CCDC33: variants seen among roughly 807,000 people sequenced by gnomAD.
CCDC33 encodes coiled-coil domain containing 33, also known as coiled-coil domain-containing protein 33.
In CCDC33, 94 loss-of-function variants were observed where a neutral mutation model predicts 91.9. The ratio of observed to expected loss-of-function variants is 1.02; its 90% confidence interval spans 0.87 to 1.21. The LOEUF (loss-of-function observed/expected upper bound fraction) is 1.21, where lower values mean the gene tolerates loss of function less well. CCDC33 is among the 50% of genes most tolerant of loss of function. The probability of loss-of-function intolerance (pLI) is 0.00; values close to 1 mark genes in which losing one functional copy is unlikely to be tolerated. For synonymous variants in CCDC33, 396 were observed against 374.5 expected (o/e 1.06, Z -0.66); for missense variants, 940 against 935.5 (o/e 1.00, Z -0.06).
At chr15:74,245,618 C>G (rs2075499984) in intron 2 of CCDC33, among the ~76,000 whole-genome samples, 1 of 152,198 alleles carries the variant, frequency 6.6e-6, no homozygotes, top group Non-Finnish European at 1.5e-5. Context: ...GGCACCGCGA[C>G]CCGCGCCATC....
At chr15:74,308,476 G>C (rs1467259768) in intron 11 of CCDC33, among the ~76,000 whole-genome samples, 3 of 152,018 alleles carry the variant, frequency 2.0e-5, no homozygotes, top group African/African-American at 7.3e-5. Flanking sequence ...TCATTCATCG[G>C]CTCCTGCCAG....
At chr15:74,204,371 C>T (rs945326283) in intron 1 of CCDC33, among the ~76,000 whole-genome samples, 1 of 152,192 alleles carries the variant, frequency 6.6e-6, no homozygotes, top group Admixed American at 6.5e-5. Context: ...CTTGTTCTGG[C>T]GGCCAGTATT....
chr15:74,334,886 G>T (rs1466324122), intron 17 of CCDC33, 89 bp from the exon 18 acceptor site: 2 of 1,095,492 alleles, frequency 1.8e-6, no homozygotes. Flanking sequence ...TTTCTGCCTG[G>T]ACAGCAGGCT....
At chr15:74,324,087 C>A (rs967791244) in intron 11 of CCDC33, among the ~76,000 whole-genome samples, 59 of 85,456 alleles carry the variant, frequency 6.9e-4, no homozygotes, top group Non-Finnish European at 7.3e-4. Context: ...GAGACTCCAT[C>A]TCAAAAAAAA....
At chr15:74,304,504 C>G (rs1225489783) in intron 11 of CCDC33, 30 of 152,214 alleles carry the variant, frequency 2.0e-4, no homozygotes, top group Admixed American at 1.9e-3. Context: ...AGACTCATAA[C>G]TCAGCTGCTG....
rs567730469 is a variant in CCDC33 at position 74,324,469 on chromosome 15, G to A, written c.1291-5720G>A. 3.3e-5 allele frequency among the ~76,000 whole-genome samples: 5 copies of A among 151,832 alleles called. No homozygotes were observed. The East Asian group carries it at 5.8e-4, about 18-fold the overall frequency. On this transcript the variant is annotated intron_variant, in intron 11 of 18. Transcript: ENST00000398814. ...CGGGTTCATCTCCATCATCCAAGCC[G>A]CAAGACTCAAGCGGAAGGTGGTTGT...
At chr15:74,321,269 G>C (rs1412109644) in intron 11 of CCDC33, among the ~76,000 whole-genome samples, 1 of 151,614 alleles carries the variant, frequency 6.6e-6, no homozygotes, top group African/African-American at 2.4e-5. Flanking sequence ...ATTTATTTTT[G>C]AGATGGAGTC....
chr15:74,254,818 G>A (rs1220947160), intron 2 of CCDC33, among the ~76,000 whole-genome samples: 1 of 149,388 alleles, frequency 6.7e-6, no homozygotes, highest in Non-Finnish European at 1.5e-5. Context: ...TGTGATCTCG[G>A]CTCACTGCAA....
At chr15:74,214,448 TTAAACTTTTTG>T (rs1301715058), upstream of CCDC33, among the ~76,000 whole-genome samples, 4 of 152,008 alleles carry the variant, frequency 2.6e-5, no homozygotes, top group African/African-American at 9.7e-5. Flanking sequence ...CACCTGGAGT[TTAAACTTTTTG>T]AAAACCGTGG....
At chr15:74,281,230 T>C (rs186085128) in intron 9 of CCDC33, among the ~76,000 whole-genome samples, 1 of 152,224 alleles carries the variant, frequency 6.6e-6, no homozygotes, top group Admixed American at 6.5e-5. Context: ...AACAAGAGAG[T>C]TCAGAGCTCA....
intron 2 of CCDC33, among the ~76,000 whole-genome samples, chr15:74,224,166 G>T (rs1327983811): frequency 6.6e-6 from 1 of 152,148 alleles, no homozygotes; most frequent in Non-Finnish European, 1.5e-5. Flanking sequence ...GCAGGCAGGT[G>T]CTGGCCCTGG....
intron 2 of CCDC33, among the ~76,000 whole-genome samples, chr15:74,254,804 A>G (rs1388259922): frequency 2.0e-5 from 3 of 146,952 alleles, no homozygotes; most frequent in African/African-American, 7.7e-5. Flanking sequence ...CTGGTGTGCA[A>G]TGATGTGATC....
chr15:74,281,758 T>A lies in CCDC33; in HGVS notation c.1024-20T>A. ...GCTGCCCTGGCCAGCATGGTCTGAGTGCTCCCTTTTCCTCCCCAGGACACC... is the reference window on the plus strand; with the variant it reads ...GCTGCCCTGGCCAGCATGGTCTGAGAGCTCCCTTTTCCTCCCCAGGACACC... On this transcript the variant is annotated intron_variant, in intron 9 of 18. Transcript: ENST00000398814. The A allele has an allele frequency of 6.2e-7, 1 of 1,609,924 alleles. No homozygotes were observed. Among genetic ancestry groups the A allele is most frequent in the Non-Finnish European group, 8.5e-7 (1 of 1,176,598 alleles).
At chr15:74,330,857 A>G (rs2060418240) in intron 13 of CCDC33, 106 bp downstream of exon 13, 2 of 1,505,600 alleles carry the variant, frequency 1.3e-6, no homozygotes, top group Non-Finnish European at 1.8e-6. Context: ...AGGGAATGGA[A>G]GCACGGAAGA....
In CCDC33 at chr15:74,220,946, T is replaced by C. The variant is rs564496705; in HGVS notation, c.675+2085T>C. 1.8e-4 allele frequency among the ~76,000 whole-genome samples: 27 copies of C among 152,278 alleles called. No homozygotes were observed. The East Asian group carries it at 3.9e-3, about 22-fold the overall frequency. The stretch of plus-strand genomic sequence containing the variant: ...CTTTCTGGTGCTGCTACTTGGAGGC[T>C]CAAAGGCACAGCTGGAAGGACAGCA... On this transcript the variant is annotated intron_variant, in intron 2 of 2. Transcript: ENST00000635913.
chr15:74,218,205 C>T lies in CCDC33; in HGVS notation c.311-292C>T, dbSNP rs1338847661. ...TAAATCAGGGGCAGGCTGAACTCTT[C>T]CCCAGTCTAGGAGTCTATGGTGGTG... On this transcript the variant is annotated intron_variant, in intron 1 of 2. Transcript: ENST00000635913. The surrounding 1 kb of genome is among the most constrained non-coding windows in gnomAD (Gnocchi z 4.8). 1.3e-5 allele frequency among the ~76,000 whole-genome samples: 2 copies of T among 152,182 alleles called. No homozygotes were observed. The highest frequency in any genetic ancestry group is 4.8e-5 in the African/African-American group (2 of 41,444).
intron 2 of CCDC33, among the ~76,000 whole-genome samples, chr15:74,247,583 G>A (rs2075578563): frequency 6.6e-6 from 1 of 152,178 alleles, no homozygotes; most frequent in Non-Finnish European, 1.5e-5. Flanking sequence ...GATGAAATAA[G>A]CTAGACACAG....
rs1596141142 is a variant in CCDC33, at chr15:74,331,307, A to T, written c.1771+11A>T. The T allele has an allele frequency of 3.7e-6, 6 of 1,612,988 alleles. No homozygotes were observed. Among genetic ancestry groups the T allele is most frequent in the Middle Eastern group, 1.7e-4 (1 of 5,984 alleles). On this transcript the variant is annotated intron_variant, in intron 15 of 18. Coordinates refer to ENST00000398814, the MANE Select transcript of CCDC33 (RefSeq NM_025055.5). Reference sequence around the variant, plus strand: ...GAAAGCCCTACACGGGTGGGTCCACACCCTGATGTGATCAGCTCCCCAGCT... The same window carrying T: ...GAAAGCCCTACACGGGTGGGTCCACTCCCTGATGTGATCAGCTCCCCAGCT...
intron 11 of CCDC33, among the ~76,000 whole-genome samples, chr15:74,297,258 C>T (rs2059706978): frequency 6.6e-6 from 1 of 152,202 alleles, no homozygotes; most frequent in African/African-American, 2.4e-5. Flanking sequence ...GGATTAACAT[C>T]CAGCTCAGTC....
Sources: gnomAD v4.1 joint callset for allele counts (sites outside exome capture counted in the v4.1 genomes callset) on GRCh38, gnomAD v4.1.1 for gene constraint, Gnocchi (gnomAD v3.1) non-coding constraint, MANE v1.5 for transcripts, NCBI Gene and HGNC (gene_info 2026-07-23, HGNC 2026-07-21) for gene names.